The following BTNL3 variants were observed in gnomAD, a reference collection of about 807,000 sequenced individuals.
The protein encoded by BTNL3 is butyrophilin like 3, also known as butyrophilin-like protein 3.
In BTNL3, 20 loss-of-function variants were observed where a neutral mutation model predicts 40.1. The observed-to-expected ratio is 0.50, with a 90% CI of 0.35 to 0.72. BTNL3 has a LOEUF of 0.72. BTNL3 is among the 30% of genes least tolerant of loss of function. The pLI is 0.01. For missense variants in BTNL3, 449 were observed against 582.2 expected (o/e 0.77, Z 2.35); for synonymous variants, 179 against 222.1 (o/e 0.81, Z 1.73).
intron 2 of BTNL3, among the ~76,000 whole-genome samples, chr5:180,995,378 G>A (rs1353876386): frequency 7.3e-6 from 1 of 136,634 alleles, no homozygotes; most frequent in Non-Finnish European, 1.7e-5. Context: ...TTTAACTATT[G>A]TAAGATACTC....
rs914031963 is a variant in BTNL3 at position 181,000,308 on chromosome 5, T to A, written c.674-2364T>A. Among the ~76,000 whole-genome samples, 3 of 136,928 alleles carry A rather than the reference T, an allele frequency of 2.2e-5. 1 individual carries two copies. The highest frequency in any genetic ancestry group is 7.5e-5 in the African/African-American group (3 of 39,832). 89.8% of individuals were successfully genotyped at this position (136,928 alleles called of 152,430 possible). ...AGTAGATGTAAATAAAACAGATAAC[T>A]TTCTACATCTATTCATCATGATTTC... On this transcript the variant is annotated intron_variant, in intron 3 of 7. Coordinates refer to ENST00000342868, the MANE Select transcript of BTNL3 (RefSeq NM_197975.3).
intron 4 of BTNL3, among the ~76,000 whole-genome samples, chr5:181,003,581 G>A (rs533155228): frequency 2.1e-4 from 30 of 140,422 alleles, no homozygotes; most frequent in Middle Eastern, 3.5e-3. Flanking sequence ...GGCCACCCCC[G>A]CCTCCCCTCC....
In BTNL3 at chr5:180,992,923, C is replaced by G. The variant is rs780363306; in HGVS notation, c.160C>G (p.Arg54Gly). The G allele has an allele frequency of 3.4e-6, 5 of 1,463,046 alleles. 1 individual carries two copies. The allele number at this position is 1,463,046 out of a possible 1,614,324, so 90.6% of individuals were successfully genotyped here. ...GACCAGTGCAGAGGCTATGGAAGTGCGGTTCTTCAGGAATCAGTTCCATGC... is the reference window on the plus strand; with the variant it reads ...GACCAGTGCAGAGGCTATGGAAGTGGGGTTCTTCAGGAATCAGTTCCATGC... ...PETSAEAMEVRFFRNQFHAVV... is the reference protein window; with the variant it reads ...PETSAEAMEVGFFRNQFHAVV... Residue 54 changes from arginine (R) to glycine (G), a missense_variant, in exon 2 of 8, where the codon CGG becomes GGG. Arg to Gly is a moderately radical substitution (Grantham distance 125). This residue lies in a region of BTNL3 where 323 missense variants were observed against 464.9 expected (regional missense o/e 0.69). Coordinates refer to ENST00000342868, the MANE Select transcript of BTNL3 (RefSeq NM_197975.3).
chr5:180,993,833 T>C (rs1417973688), intron 2 of BTNL3, among the ~76,000 whole-genome samples: 1 of 137,096 alleles, frequency 7.3e-6, no homozygotes, highest in African/African-American at 2.5e-5. Context: ...GACAGTCTTG[T>C]CCCGTCACCC....
rs573450579 is a variant in BTNL3, at chr5:181,005,014, A to T, written c.862+252A>T. On this transcript the variant is annotated intron_variant, in intron 7 of 7. Transcript: ENST00000342868. ...GTAGCTGGCTTCTAGGGGTCTGTGC[A>T]AAGGGGAACTAAGTGAAGTTAGCAG... Among the ~76,000 whole-genome samples the T allele has an allele frequency of 2.6e-5, 4 of 152,234 alleles. No individual in the cohort carries two copies. In the South Asian group the frequency reaches 8.3e-4, roughly 32 times the overall value.
intron 5 of BTNL3, 51 bp downstream of exon 5, chr5:181,003,927 C>G: frequency 6.2e-7 from 1 of 1,613,800 alleles, no homozygotes; most frequent in Non-Finnish European, 8.5e-7. Context: ...GGGTCCCTCC[C>G]TGATCCACAG....
In BTNL3 at chr5:180,998,685, CTTA is replaced by C. The variant is rs1760065863; in HGVS notation, c.673+1199_673+1201del. Among the ~76,000 whole-genome samples the C allele has an allele frequency of 2.2e-5, 3 of 136,984 alleles. 1 individual carries two copies. The highest frequency in any genetic ancestry group is 7.5e-5 in the African/African-American group (3 of 39,890). 89.9% of individuals were successfully genotyped at this position (136,984 alleles called of 152,430 possible). A position where few individuals can be genotyped will look rare whatever the true frequency, so the allele number is the denominator to read the frequency against. On this transcript the variant is annotated intron_variant, in intron 3 of 7. Transcript: ENST00000342868. ...ACCACAGCAAAAGATAGTTTAAATTCTTATGTGTTTGAAAAATTTTTAAACATT... is the reference window on the plus strand; with the variant it reads ...ACCACAGCAAAAGATAGTTTAAATTCTGTGTTTGAAAAATTTTTAAACATT...
rs774850289 is a variant in BTNL3, at chr5:180,988,979, C to A, written c.-50C>A. On this transcript the variant is annotated 5_prime_UTR_variant, in exon 1 of 8. Transcript: ENST00000342868. ...CCTGACCTCCAAATCATCCATCCACCCCTGCTGTCATCTGTTTTCATAGTG... is the reference window on the plus strand; with the variant it reads ...CCTGACCTCCAAATCATCCATCCACACCTGCTGTCATCTGTTTTCATAGTG... 15 of 1,426,564 alleles carry A rather than the reference C, an allele frequency of 1.1e-5. 1 individual carries two copies. The South Asian group carries it at 1.8e-4, about 17-fold the overall frequency. The allele number at this position is 1,426,564 out of a possible 1,614,324, so 88.4% of individuals were successfully genotyped here.
chr5:180,997,848 T>C (rs1180253163), intron 3 of BTNL3, among the ~76,000 whole-genome samples: 1 of 137,050 alleles, frequency 7.3e-6, no homozygotes, highest in African/African-American at 2.5e-5. Context: ...AGAATAAAAC[T>C]GTAGAAAATT....
At chr5:181,000,639 T>C (rs1388051076) in intron 3 of BTNL3, among the ~76,000 whole-genome samples, 10 of 130,990 alleles carry the variant, frequency 7.6e-5, no homozygotes, top group African/African-American at 2.6e-4. Flanking sequence ...ACCCCGTCTC[T>C]ACTAAAAATA....
chr5:180,998,608 A>G (rs1034475103), intron 3 of BTNL3, among the ~76,000 whole-genome samples: 3 of 137,224 alleles, frequency 2.2e-5, no homozygotes, highest in African/African-American at 7.5e-5. Flanking sequence ...ATTTTCAGAC[A>G]TAGATATCAT....
chr5:181,005,860 G>T lies in BTNL3; in HGVS notation c.1389G>T (p.Val463=). 1 of 1,603,866 alleles carries T rather than the reference G, an allele frequency of 6.2e-7. No homozygotes were observed. Residue 463 remains valine (V), a synonymous_variant, in exon 8 of 8, where the codon GTG becomes GTT. Coordinates refer to ENST00000342868, the MANE Select transcript of BTNL3 (RefSeq NM_197975.3). ...EKGTPIFICP[V]SWG is the part of the protein sequence containing the mutation. ...GGACTCCCATATTCATATGTCCAGT[G>T]TCCTGGGGATGAGACAGAGAAGACC...
chr5:181,001,380 T>G (rs1582089147), intron 3 of BTNL3, among the ~76,000 whole-genome samples: 1 of 135,714 alleles, frequency 7.4e-6, no homozygotes, highest in Admixed American at 7.8e-5. Context: ...CATGGCTCAT[T>G]GCAACCTCAA....
Position 180,994,073 on chromosome 5 carries a change from G to A in BTNL3, c.397+913G>A, listed in dbSNP as rs1025370933. 1.5e-5 allele frequency among the ~76,000 whole-genome samples: 2 copies of A among 137,392 alleles called. 1 individual carries two copies. Among genetic ancestry groups the A allele is most frequent in the Admixed American group, 1.5e-4 (2 of 13,092 alleles). The allele number at this position is 137,392 out of a possible 152,430, so 90.1% of individuals were successfully genotyped here. On this transcript the variant is annotated intron_variant, in intron 2 of 7. Transcript: ENST00000342868. Reference sequence around the variant, plus strand: ...CTGCCTTGGGCTCCCAAAATGCTGGGATTACAGGTGTGAGCCACCACACCC... The same window carrying A: ...CTGCCTTGGGCTCCCAAAATGCTGGAATTACAGGTGTGAGCCACCACACCC...
Position 180,998,932 on chromosome 5 carries a change from G to C in BTNL3, c.673+1444G>C, listed in dbSNP as rs897122028. Among the ~76,000 whole-genome samples the C allele has an allele frequency of 5.9e-5, 8 of 136,686 alleles. 1 individual carries two copies. The highest frequency in any genetic ancestry group is 5.0e-5 in the Non-Finnish European group (3 of 59,810). 89.7% of individuals were successfully genotyped at this position (136,686 alleles called of 152,430 possible). On this transcript the variant is annotated intron_variant, in intron 3 of 7. Coordinates refer to ENST00000342868, the MANE Select transcript of BTNL3 (RefSeq NM_197975.3). ...ACCTGAGGTCAGGAGTTCAAGACCA[G>C]CCTGGCCATAATGGTGAAACCCCGT... is the stretch of plus-strand genomic sequence containing the variant.
Position 180,993,048 on chromosome 5 carries a change from G to A in BTNL3, c.285G>A (p.Gly95=). ...TEFVKDSIAG[G]RVSLRLKNIT... is the part of the protein sequence containing the mutation. ...TTGTGAAGGACTCCATTGCAGGGGG[G>A]CGTGTCTCTCTAAGGCTAAAAAACA... The change falls in exon 2 of 8, where the codon GGG becomes GGA. Residue 95 remains glycine, a synonymous_variant. Coordinates refer to ENST00000342868, the MANE Select transcript of BTNL3 (RefSeq NM_197975.3). 1 of 1,456,902 alleles carries A rather than the reference G, an allele frequency of 6.9e-7. No homozygotes were observed. The highest frequency in any genetic ancestry group is 9.5e-7 in the Non-Finnish European group (1 of 1,055,630). The allele number at this position is 1,456,902 out of a possible 1,614,324, so 90.2% of individuals were successfully genotyped here.
chr5:181,004,725 C>T lies in BTNL3; in HGVS notation c.836-11C>T, dbSNP rs573867040. On this transcript the variant is annotated splice_polypyrimidine_tract_variant and intron_variant, in intron 6 of 7. Transcript: ENST00000342868. ...AGCACGGAACTGCCTGCTCTCTCTG[C>T]TTGCTTTCAGAATTGAGAGACGCCC... 23 of 1,614,098 alleles carry T rather than the reference C, an allele frequency of 1.4e-5. No individual in the cohort carries two copies. Among genetic ancestry groups the T allele is most frequent in the Non-Finnish European group, 1.9e-5 (22 of 1,180,052 alleles).
In BTNL3 at chr5:181,006,248, A is replaced by G; in HGVS notation, c.*376A>G. The stretch of plus-strand genomic sequence containing the variant: ...GACAGTGATTCCTGCCTCACAGGTG[A>G]AGATTAAAGAGACAACGAATGTGAA... On this transcript the variant is annotated 3_prime_UTR_variant, in exon 8 of 8. Coordinates refer to ENST00000342868, the MANE Select transcript of BTNL3 (RefSeq NM_197975.3). The G allele has an allele frequency of 2.5e-6, 1 of 397,000 alleles. No homozygotes were observed. Among genetic ancestry groups the G allele is most frequent in the Non-Finnish European group, 4.4e-6 (1 of 225,326 alleles). 24.6% of individuals were successfully genotyped at this position (397,000 alleles called of 1,614,324 possible).
In BTNL3 at chr5:181,006,238, C is replaced by CT; in HGVS notation, c.*367dup. The stretch of plus-strand genomic sequence containing the variant: ...GCTAGTCACGGACAGTGATTCCTGC[C>CT]TCACAGGTGAAGATTAAAGAGACAA... On this transcript the variant is annotated 3_prime_UTR_variant, in exon 8 of 8. Transcript: ENST00000342868. 1 of 402,146 alleles carries CT rather than the reference C, an allele frequency of 2.5e-6. No homozygotes were observed. Among genetic ancestry groups the CT allele is most frequent in the Non-Finnish European group, 4.4e-6 (1 of 228,438 alleles). The allele number at this position is 402,146 out of a possible 1,614,324, so 24.9% of individuals were successfully genotyped here.
Sources: allele counts gnomAD v4.1 joint callset (sites outside exome capture counted in the v4.1 genomes callset), GRCh38; gene constraint gnomAD v4.1.1; regional missense constraint gnomAD v4.1.1; transcripts MANE v1.5; gene names NCBI Gene and HGNC (gene_info 2026-07-23, HGNC 2026-07-21).